The following HDAC9 variants were observed in gnomAD, a reference collection of about 807,000 sequenced individuals.
HDAC9 encodes histone deacetylase 9.
HDAC9 carries 41 observed loss-of-function variants against 139.4 expected under a neutral mutation model. The ratio of observed to expected loss-of-function variants is 0.29; its 90% CI spans 0.23 to 0.38. HDAC9 has a LOEUF of 0.38. Among genes scored for constraint, HDAC9 ranks in the 10% least tolerant of loss-of-function variants. HDAC9 has a pLI of 1.00. For synonymous variants in HDAC9, 517 were observed against 476.2 expected (o/e 1.09, Z -1.12); for missense variants, 1,147 against 1,297.0 (o/e 0.88, Z 1.78).
intron 12 of HDAC9, among the ~76,000 whole-genome samples, chr7:18,713,133 T>C (rs1205218441): frequency 1.3e-5 from 2 of 152,208 alleles, no homozygotes. Context: ...AAAGTCTATT[T>C]TGTGGGCAGT....
chr7:18,575,252 T>A (rs539542495), intron 2 of HDAC9, among the ~76,000 whole-genome samples: 2 of 152,370 alleles, frequency 1.3e-5, no homozygotes, highest in African/African-American at 4.8e-5. Flanking sequence ...TTATTTTAGC[T>A]AAAATGTCAA....
chr7:18,923,486 C>G lies in HDAC9; in HGVS notation c.2804-12323C>G, dbSNP rs60459534. Reference sequence around the variant, plus strand: ...TTATTCTGGTACATACCCAGCTATTCCCCAAAGTCCTGGCAACTCCTCTTT... The same window carrying G: ...TTATTCTGGTACATACCCAGCTATTGCCCAAAGTCCTGGCAACTCCTCTTT... On this transcript the variant is annotated intron_variant, in intron 22 of 25. Coordinates refer to ENST00000686413, the MANE Select transcript of HDAC9 (RefSeq NM_178425.4). Among the ~76,000 whole-genome samples, 63 of 152,122 alleles carry G rather than the reference C, an allele frequency of 4.1e-4. No homozygotes were observed. The East Asian group carries it at 0.011, about 27-fold the overall frequency.
At chr7:18,689,063 A>C (rs1317528998) in intron 12 of HDAC9, among the ~76,000 whole-genome samples, 2 of 152,034 alleles carry the variant, frequency 1.3e-5, no homozygotes, top group East Asian at 3.9e-4. Flanking sequence ...AAATGGGAGC[A>C]GATAAATTAA....
chr7:18,495,637 G>C, upstream of HDAC9: 1 of 662,646 alleles, frequency 1.5e-6, no homozygotes, highest in Non-Finnish European at 1.9e-6. Context: ...TTTTGGCTCA[G>C]GCCGACCATT....
intron 21 of HDAC9, among the ~76,000 whole-genome samples, chr7:18,836,389 C>A (rs912196270): frequency 1.3e-5 from 2 of 152,144 alleles, no homozygotes; most frequent in South Asian, 4.1e-4. Context: ...ACTACAGAAT[C>A]CCTTTTTTAC....
intron 1 of HDAC9, among the ~76,000 whole-genome samples, chr7:18,114,607 C>T (rs1043822279): frequency 3.3e-5 from 5 of 152,120 alleles, no homozygotes; most frequent in African/African-American, 1.2e-4. Context: ...TTCCTTCTGG[C>T]GGAGAGGATC....
At chr7:18,091,427 C>T (rs1452160751) in intron 1 of HDAC9, among the ~76,000 whole-genome samples, 2 of 152,086 alleles carry the variant, frequency 1.3e-5, no homozygotes, top group Non-Finnish European at 1.5e-5. Flanking sequence ...TGGTTTAGTT[C>T]TAGTACAGTA....
At chr7:18,096,102 T>G (rs1406842455) in intron 1 of HDAC9, among the ~76,000 whole-genome samples, 1 of 152,326 alleles carries the variant, frequency 6.6e-6, no homozygotes, top group Non-Finnish European at 1.5e-5. Context: ...TGATTAGTAT[T>G]GTGGAGTCAT....
At chr7:18,984,442 A>T (rs757264158) in intron 25 of HDAC9, among the ~76,000 whole-genome samples, 7 of 152,302 alleles carry the variant, frequency 4.6e-5, no homozygotes, top group African/African-American at 1.7e-4. Context: ...TGTTTTCAGT[A>T]TTAAGCTTTC....
chr7:18,968,563 G>C (rs1188416918), intron 24 of HDAC9, among the ~76,000 whole-genome samples: 1 of 152,052 alleles, frequency 6.6e-6, no homozygotes, highest in East Asian at 1.9e-4. Flanking sequence ...CAGATTCCAG[G>C]GTAACTGACT....
At chr7:18,307,093 G>T (rs1798961378) in intron 1 of HDAC9, among the ~76,000 whole-genome samples, 3 of 132,750 alleles carry the variant, frequency 2.3e-5, no homozygotes, top group South Asian at 2.7e-4. Context: ...CAGGAGGGCA[G>T]TTCTTGTGTG....
At chr7:18,666,637 A>G (rs1794966087) in intron 12 of HDAC9, 161 bp downstream of exon 12, 1 of 1,424,778 alleles carries the variant, frequency 7.0e-7, no homozygotes, top group Non-Finnish European at 9.2e-7. Context: ...AGATATATGT[A>G]TATATCTATA....
At chr7:18,281,832 G>T (rs541296297) in intron 2 of HDAC9, among the ~76,000 whole-genome samples, 4 of 152,012 alleles carry the variant, frequency 2.6e-5, no homozygotes, top group Non-Finnish European at 4.4e-5. Flanking sequence ...CTTTTTCTCC[G>T]TATTGAATAT....
chr7:18,411,190 A>G (rs1401382794), intron 1 of HDAC9, among the ~76,000 whole-genome samples: 2 of 152,150 alleles, frequency 1.3e-5, no homozygotes, highest in Admixed American at 6.5e-5. Flanking sequence ...TCAGTCCACA[A>G]GATTTACTGG....
chr7:18,883,275 G>GA (rs949182947), intron 22 of HDAC9, among the ~76,000 whole-genome samples: 1 of 151,800 alleles, frequency 6.6e-6, no homozygotes, highest in Non-Finnish European at 1.5e-5. Context: ...TTGAGAGTCA[G>GA]AAAAAAACGT....
At chr7:18,170,673 A>G (rs1401429234) in intron 2 of HDAC9, among the ~76,000 whole-genome samples, 1 of 152,194 alleles carries the variant, frequency 6.6e-6, no homozygotes, top group African/African-American at 2.4e-5. Flanking sequence ...ATGGCTAGCC[A>G]GTTTTCCCAG....
At chr7:18,428,169 ATACTC>A (rs1205915480) in intron 1 of HDAC9, among the ~76,000 whole-genome samples, 3 of 152,148 alleles carry the variant, frequency 2.0e-5, no homozygotes, top group Non-Finnish European at 4.4e-5. Context: ...TTTTTTATAA[ATACTC>A]TAAGTGGGAT....
intron 1 of HDAC9, among the ~76,000 whole-genome samples, chr7:18,473,646 TG>T (rs1794895507): frequency 6.6e-6 from 1 of 152,174 alleles, no homozygotes; most frequent in African/African-American, 2.4e-5. Context: ...ATACATCGAG[TG>T]GTCTTTAGCA....
At chr7:18,352,788 C>G (rs1449125371) in intron 1 of HDAC9, among the ~76,000 whole-genome samples, 1 of 151,950 alleles carries the variant, frequency 6.6e-6, no homozygotes, top group Non-Finnish European at 1.5e-5. Context: ...CTTTTCCCCA[C>G]TTTGGTTCAG....
Sources: allele counts gnomAD v4.1 joint callset (sites outside exome capture counted in the v4.1 genomes callset), GRCh38; gene constraint gnomAD v4.1.1; transcripts MANE v1.5; gene names NCBI Gene and HGNC (gene_info 2026-07-23, HGNC 2026-07-21).